Variants in NGEF observed in about 807,000 individuals in gnomAD.
The protein encoded by NGEF is ephexin-1.
A neutral mutation model predicts 80.9 loss-of-function variants in NGEF; 31 were observed. The ratio of observed to expected loss-of-function variants is 0.38; its 90% CI spans 0.29 to 0.52. The LOEUF (loss-of-function observed/expected upper bound fraction) is 0.52. NGEF is among the 20% of genes least tolerant of loss of function. The pLI, the probability that NGEF is intolerant of heterozygous loss-of-function variation, is 0.84. For missense variants in NGEF, 709 were observed against 926.2 expected, an observed-to-expected ratio of 0.77 and a Z score of 3.04; for synonymous variants, 371 against 370.2, an observed-to-expected ratio of 1.00 and a Z score of -0.03.
chr2:232,974,732 A>G lies in NGEF; in HGVS notation c.159T>C (p.Pro53=), dbSNP rs200454901. The G allele has an allele frequency of 1.2e-6, 2 of 1,614,222 alleles. No individual in the cohort carries two copies. Among genetic ancestry groups the G allele is most frequent in the Non-Finnish European group, 8.5e-7 (1 of 1,180,044 alleles). Residue 53 remains proline, a synonymous_variant, in exon 2 of 15, where the codon CCT becomes CCC. Transcript: ENST00000264051. ...TTCTCTTAATTGGGATGTGGCAATG[A>G]GGCTCTTTGTCTTGGATATCCTGGT... ...QADQDIQDKE[P]HCHIPIKRNS...
intron 1 of NGEF, among the ~76,000 whole-genome samples, chr2:232,985,529 G>T (rs1694515054): frequency 6.6e-6 from 1 of 150,992 alleles, no homozygotes; most frequent in African/African-American, 2.4e-5. Flanking sequence ...GAGGCGGGCG[G>T]ATCACGAGGT....
chr2:232,906,457 G>A (rs1290214855), intron 5 of NGEF, among the ~76,000 whole-genome samples: 1 of 100,582 alleles, frequency 9.9e-6, no homozygotes. Context: ...ACCTCCCTCC[G>A]GCCACCCCTA....
At chr2:232,951,344 C>T (rs1291737917) in intron 3 of NGEF, among the ~76,000 whole-genome samples, 1 of 152,216 alleles carries the variant, frequency 6.6e-6, no homozygotes, top group Non-Finnish European at 1.5e-5. Context: ...GCCTTGAACT[C>T]GGATCCAGCC....
At chr2:232,953,087 A>G (rs1693713614) in intron 3 of NGEF, among the ~76,000 whole-genome samples, 1 of 151,262 alleles carries the variant, frequency 6.6e-6, no homozygotes, top group African/African-American at 2.4e-5. Context: ...GCAGATCACG[A>G]GGTCAGATGT....
At chr2:232,939,515 G>A (rs1693398075) in intron 3 of NGEF, among the ~76,000 whole-genome samples, 1 of 152,158 alleles carries the variant, frequency 6.6e-6, no homozygotes, top group Non-Finnish European at 1.5e-5. Flanking sequence ...GAAGTAGCAT[G>A]TATTTAATAA....
chr2:232,968,323 G>C lies in NGEF; in HGVS notation c.383+1891C>G, dbSNP rs1574643348. On this transcript the variant is annotated intron_variant, in intron 3 of 14. Coordinates refer to ENST00000264051, the MANE Select transcript of NGEF (RefSeq NM_019850.3). Reference sequence around the variant, plus strand: ...GGCTGGTCTTGAACTCCTAACCTCAGGTGATCTGCCCACCTCGGCTTCCCA... The same window carrying C: ...GGCTGGTCTTGAACTCCTAACCTCACGTGATCTGCCCACCTCGGCTTCCCA... 2.0e-5 allele frequency among the ~76,000 whole-genome samples: 3 copies of C among 151,674 alleles called. No homozygotes were observed. The East Asian group carries it at 5.8e-4, about 30-fold the overall frequency.
intron 5 of NGEF, among the ~76,000 whole-genome samples, chr2:232,900,613 TACACACACGCTC>T (rs1692309607): frequency 1.1e-4 from 4 of 37,712 alleles, no homozygotes; most frequent in Non-Finnish European, 1.9e-4. Context: ...TTCACTCACA[TACACACACGCTC>T]TCACAGTCAC....
In NGEF at chr2:232,895,522, G is replaced by A. The variant is rs559633341; in HGVS notation, c.829-606C>T. On this transcript the variant is annotated intron_variant, in intron 5 of 14. Transcript: ENST00000264051. ...AGCCTGGGTGACAGAGTGAGACTCT[G>A]TCTTAAAAAAAAAAAAAAAAGGTCA... 2.8e-5 allele frequency among the ~76,000 whole-genome samples: 3 copies of A among 107,508 alleles called. No homozygotes were observed. The East Asian group carries it at 7.8e-4, about 28-fold the overall frequency. 70.5% of individuals were successfully genotyped at this position (107,508 alleles called of 152,430 possible).
chr2:232,879,433 C>CCCCCCAA lies in NGEF; in HGVS notation c.*55_*56insTTGGGGG. On this transcript the variant is annotated 3_prime_UTR_variant, in exon 15 of 15. Coordinates refer to ENST00000264051, the MANE Select transcript of NGEF (RefSeq NM_019850.3). ...GTGCTTCCCAGAGCCCCCCCCCCCCCACCTTCTGTCGGGGTCTCATGCAGG... is the reference window on the plus strand; with the variant it reads ...GTGCTTCCCAGAGCCCCCCCCCCCCCCCCCCAAACCTTCTGTCGGGGTCTCATGCAGG... The CCCCCCAA allele has an allele frequency of 2.1e-6, 3 of 1,418,598 alleles. No individual in the cohort carries two copies. Among genetic ancestry groups the CCCCCCAA allele is most frequent in the South Asian group, 1.4e-5 (1 of 73,940 alleles). 87.9% of individuals were successfully genotyped at this position (1,418,598 alleles called of 1,614,324 possible). A position where few individuals can be genotyped will look rare whatever the true frequency, so the allele number is the denominator to read the frequency against.
At chr2:232,943,548 T>G (rs1020466088) in intron 3 of NGEF, among the ~76,000 whole-genome samples, 1 of 122,536 alleles carries the variant, frequency 8.2e-6, no homozygotes. Context: ...CAGGCTGGAG[T>G]GCAGTGGCGC....
chr2:232,888,815 T>G (rs1209596756), intron 8 of NGEF, among the ~76,000 whole-genome samples: 1 of 152,242 alleles, frequency 6.6e-6, no homozygotes, highest in Non-Finnish European at 1.5e-5. Context: ...AAAGAGTCTC[T>G]TCTCCAACTG....
intron 2 of NGEF, among the ~76,000 whole-genome samples, chr2:232,970,651 C>T (rs1017780208): frequency 6.6e-6 from 1 of 152,144 alleles, no homozygotes; most frequent in Non-Finnish European, 1.5e-5. Flanking sequence ...CCCGTCTCTA[C>T]TAAAAATACA....
At chr2:232,895,281 C>G (rs1348479709) in intron 5 of NGEF, among the ~76,000 whole-genome samples, 1 of 152,158 alleles carries the variant, frequency 6.6e-6, no homozygotes, top group Non-Finnish European at 1.5e-5. Flanking sequence ...AATCCCAGCA[C>G]TTTAGGAGGC....
At chr2:232,951,879 A>AT (rs928026220) in intron 3 of NGEF, among the ~76,000 whole-genome samples, 47 of 149,476 alleles carry the variant, frequency 3.1e-4, no homozygotes, top group East Asian at 5.9e-4. Context: ...TGGCAGGTTT[A>AT]TTTTTTTTTT....
chr2:232,924,476 T>A lies in NGEF; in HGVS notation c.526+2568A>T, dbSNP rs188088099. Among the ~76,000 whole-genome samples, 235 of 152,172 alleles carry A rather than the reference T, an allele frequency of 1.5e-3. 1 individual carries two copies. The highest frequency in any genetic ancestry group is 5.4e-3 in the African/African-American group (226 of 41,504). ...GTATATGGTATCTTGTTACAGCAAC[T>A]GGAACAGATTAAGATACTGGCCAAG... On this transcript the variant is annotated intron_variant, in intron 4 of 14. Transcript: ENST00000264051.
intron 3 of NGEF, among the ~76,000 whole-genome samples, chr2:232,968,326 G>C (rs892974048): frequency 6.6e-6 from 1 of 151,962 alleles, no homozygotes; most frequent in Non-Finnish European, 1.5e-5. Flanking sequence ...AACCTCAGGT[G>C]ATCTGCCCAC....
intron 1 of NGEF, 118 bp from the exon 2 acceptor site, chr2:232,975,082 G>A (rs1300817463): frequency 1.7e-6 from 1 of 587,652 alleles, no homozygotes. Context: ...GCACATCCTG[G>A]TATCCACGTC....
At chr2:233,002,606 G>A (rs1695003815) in intron 1 of NGEF, among the ~76,000 whole-genome samples, 1 of 152,176 alleles carries the variant, frequency 6.6e-6, no homozygotes, top group African/African-American at 2.4e-5. Flanking sequence ...GAGCCCAGGA[G>A]GTTGCAGTGA....
chr2:232,882,579 G>A (rs1574982787), intron 12 of NGEF, among the ~76,000 whole-genome samples: 1 of 152,232 alleles, frequency 6.6e-6, no homozygotes, highest in South Asian at 2.1e-4. Context: ...AGCACATTCC[G>A]TGGCCACAGC....
Sources: allele counts gnomAD v4.1 joint callset (sites outside exome capture counted in the v4.1 genomes callset), GRCh38; gene constraint gnomAD v4.1.1; transcripts MANE v1.5; gene names NCBI Gene and HGNC (gene_info 2026-07-23, HGNC 2026-07-21).